Variants in STKLD1 observed in about 807,000 individuals in gnomAD.
The protein encoded by STKLD1 is serine/threonine kinase like domain containing 1, also known as serine/threonine kinase-like domain-containing protein STKLD1.
In STKLD1, 79 loss-of-function variants were observed where a neutral mutation model predicts 80.4. The ratio of observed to expected loss-of-function variants is 0.98; its 90% confidence interval spans 0.82 to 1.19. The LOEUF (loss-of-function observed/expected upper bound fraction) is 1.19. Among genes scored for constraint, STKLD1 ranks in the 50% most tolerant of loss-of-function variants. STKLD1 has a pLI of 0.00. For missense variants in STKLD1, 841 were observed against 856.0 expected (o/e 0.98, Z 0.22); for synonymous variants, 393 against 357.6 (o/e 1.10, Z -1.12).
At position 133,379,137 on chromosome 9, in the gene STKLD1, C is replaced by T; in HGVS notation, c.174+15C>T. 1 of 1,609,220 alleles carries T rather than the reference C, an allele frequency of 6.2e-7. No individual in the cohort carries two copies. The highest frequency in any genetic ancestry group is 8.5e-7 in the Non-Finnish European group (1 of 1,176,316). On this transcript the variant is annotated intron_variant, in intron 2 of 17. Transcript: ENST00000371957. Reference sequence around the variant, plus strand: ...TGATAAAGCAGGTAAGAGGCCAAGCCTGTGCATCCCATGCCGGGTGGTTCT... The same window carrying T: ...TGATAAAGCAGGTAAGAGGCCAAGCTTGTGCATCCCATGCCGGGTGGTTCT...
intron 12 of STKLD1, 22 bp from the exon 13 acceptor site, chr9:133,401,716 C>A: frequency 6.2e-7 from 1 of 1,605,448 alleles, no homozygotes. Flanking sequence ...TAACCCCAGG[C>A]GTCTTCCTCT....
chr9:133,398,012 C>A lies in STKLD1; in HGVS notation c.1038C>A (p.Leu346=). 1.2e-6 allele frequency: 2 copies of A among 1,613,670 alleles called. No homozygotes were observed. The highest frequency in any genetic ancestry group is 1.1e-5 in the South Asian group (1 of 91,054). Reference sequence around the variant, plus strand: ...TCTCTGGCTGGCCCGAAGTCCAGCTCAGGGCCATGAAGAGGCTTCTGAAAA... The same window carrying A: ...TCTCTGGCTGGCCCGAAGTCCAGCTAAGGGCCATGAAGAGGCTTCTGAAAA... ...QKFSGWPEVQ[L]RAMKRLLKMP... is the part of the protein sequence containing the mutation. Residue 346 remains leucine, a synonymous_variant, in exon 11 of 18, where the codon CTC becomes CTA. Coordinates refer to ENST00000371957, the MANE Select transcript of STKLD1 (RefSeq NM_153710.5).
In STKLD1 at chr9:133,394,324, C is replaced by T; in HGVS notation, c.617C>T (p.Ala206Val). 1 of 1,613,872 alleles carries T rather than the reference C, an allele frequency of 6.2e-7. No individual in the cohort carries two copies. The highest frequency in any genetic ancestry group is 8.5e-7 in the Non-Finnish European group (1 of 1,179,888). ...PFRKSWMAPE[A>V]LNFSFSQKSD... ...CGTAAGTCCTGGATGGCCCCTGAAG[C>T]CCTCAACTTCTCCTTCAGCCAGAAA... The change falls in exon 8 of 18, where the codon GCC becomes GTC. Residue 206 changes from alanine to valine, a missense_variant. Physicochemically the swap from Ala to Val is moderately conservative, Grantham distance 64. Coordinates refer to ENST00000371957, the MANE Select transcript of STKLD1 (RefSeq NM_153710.5). The surrounding 1 kb of genome is among the most constrained non-coding windows in gnomAD (Gnocchi z 4.9).
intron 1 of STKLD1, 112 bp from the exon 2 acceptor site, chr9:133,378,924 C>G (rs113787195): frequency 5.1e-5 from 46 of 904,510 alleles, no homozygotes; most frequent in African/African-American, 4.7e-4. Flanking sequence ...GCCACTTGCT[C>G]TGCCAGCCTG....
chr9:133,377,506 A>G (rs1175561713), intron 1 of STKLD1, among the ~76,000 whole-genome samples: 2 of 152,216 alleles, frequency 1.3e-5, no homozygotes, highest in African/African-American at 2.4e-5. Context: ...TCTACTAAAA[A>G]TACAAAATTA....
At position 133,403,019 on chromosome 9, in the gene STKLD1, G is replaced by C; in HGVS notation, c.1474+7G>C. On this transcript the variant is annotated splice_region_variant and intron_variant, in intron 14 of 17. Coordinates refer to ENST00000371957, the MANE Select transcript of STKLD1 (RefSeq NM_153710.5). The stretch of plus-strand genomic sequence containing the variant: ...TGGGCCCTCCTGCTGGACGGTGAGG[G>C]GCCCTCCTCCTGCTGTCCCACCGGG... 1 of 1,560,956 alleles carries C rather than the reference G, an allele frequency of 6.4e-7. No homozygotes were observed. Among genetic ancestry groups the C allele is most frequent in the South Asian group, 1.2e-5 (1 of 84,886 alleles).
At chr9:133,393,477 AGATG>A (rs200853482) in intron 7 of STKLD1, among the ~76,000 whole-genome samples, 8 of 86,152 alleles carry the variant, frequency 9.3e-5, no homozygotes, top group African/African-American at 1.4e-4. Flanking sequence ...TTGGGTGGGT[AGATG>A]GATGGGTGGG....
In STKLD1 at chr9:133,390,693, C is replaced by T; in HGVS notation, c.480C>T (p.Pro160=). The T allele has an allele frequency of 6.2e-7, 1 of 1,613,642 alleles. No homozygotes were observed. Among genetic ancestry groups the T allele is most frequent in the Non-Finnish European group, 8.5e-7 (1 of 1,179,874 alleles). ...CTCTTGGTTTCAGGAATCTCAAACC[C>T]TCCAACATCATCCTCATCAGCAGTG... The part of the protein sequence containing the change: ...HLDIIHRNLK[P]SNIILISSDH... Residue 160 remains proline (P), a synonymous_variant, in exon 7 of 18, where the codon CCC becomes CCT. Transcript: ENST00000371957. The surrounding 1 kb of genome is among the most constrained non-coding windows in gnomAD (Gnocchi z 5.1).
chr9:133,393,170 A>G (rs1351983930), intron 7 of STKLD1, among the ~76,000 whole-genome samples: 2 of 97,664 alleles, frequency 2.0e-5, no homozygotes, highest in African/African-American at 4.1e-5. Context: ...TAGGTGGGTG[A>G]GTGGATGGAT....
Position 133,398,839 on chromosome 9 carries a change from T to G in STKLD1, c.1081+784T>G, listed in dbSNP as rs587731548. 6.0e-4 allele frequency among the ~76,000 whole-genome samples: 91 copies of G among 151,736 alleles called. No individual in the cohort carries two copies. The East Asian group carries it at 0.016, about 26-fold the overall frequency. On this transcript the variant is annotated intron_variant, in intron 11 of 17. Coordinates refer to ENST00000371957, the MANE Select transcript of STKLD1 (RefSeq NM_153710.5). ...GAGAGTGTTGGGAAAAGCAGTTTTT[T>G]TTTGTTTTTGTTTGTTTGTTTGTTT...
At chr9:133,395,495 TG>T in intron 8 of STKLD1, 104 bp from the exon 9 acceptor site, 1 of 1,295,736 alleles carries the variant, frequency 7.7e-7, no homozygotes, top group Non-Finnish European at 1.1e-6. Flanking sequence ...TGGCTCTCCC[TG>T]GTCTCCTCCT....
In STKLD1 at chr9:133,400,394, G is replaced by A. The variant is rs1005280954; in HGVS notation, c.1082-19G>A. ...ATCTGGCCCAAAATGAGTCTCCCCT[G>A]TGCCGCCCGCCCTGCCAGGTCTGCC... is the stretch of plus-strand genomic sequence containing the variant. On this transcript the variant is annotated intron_variant, in intron 11 of 17. Coordinates refer to ENST00000371957, the MANE Select transcript of STKLD1 (RefSeq NM_153710.5). 1.9e-6 allele frequency: 3 copies of A among 1,601,606 alleles called. No individual in the cohort carries two copies. Among genetic ancestry groups the A allele is most frequent in the African/African-American group, 1.3e-5 (1 of 74,900 alleles).
At position 133,387,486 on chromosome 9, in the gene STKLD1, G is replaced by A; in HGVS notation, c.334G>A (p.Glu112Lys). Residue 112 changes from glutamate to lysine, a missense_variant, in exon 5 of 18, where the codon GAG (glutamate) becomes AAG (lysine). By Grantham distance (56) the Glu-to-Lys change is moderately conservative. Coordinates refer to ENST00000371957, the MANE Select transcript of STKLD1 (RefSeq NM_153710.5). The stretch of plus-strand genomic sequence containing the variant: ...CCTCTGCCTGGTGATGGAGTTCAAT[G>A]AGCTCAGCTTCCAGGAGGTCATTGA... ...LYLCLVMEFN[E>K]LSFQEVIEDK... The A allele has an allele frequency of 1.2e-6, 2 of 1,614,116 alleles. No individual in the cohort carries two copies. The highest frequency in any genetic ancestry group is 1.7e-6 in the Non-Finnish European group (2 of 1,180,014).
At position 133,385,823 on chromosome 9, in the gene STKLD1, T is replaced by C. The variant is rs2130275742; in HGVS notation, c.294+132T>C. ...GTGGCAATGGCAGTGACTGTAAACG[T>C]GGCCACCCCTGACCTAACACTCACT... On this transcript the variant is annotated intron_variant, in intron 4 of 17. Coordinates refer to ENST00000371957, the MANE Select transcript of STKLD1 (RefSeq NM_153710.5). This position sits in a 1 kb window ranked among gnomAD's most constrained non-coding sequence, Gnocchi z 4.9. The C allele has an allele frequency of 1.3e-6, 1 of 782,174 alleles. No homozygotes were observed. Among genetic ancestry groups the C allele is most frequent in the South Asian group, 1.7e-5 (1 of 60,588 alleles). The allele number at this position is 782,174 out of a possible 1,614,324, so 48.5% of individuals were successfully genotyped here.
chr9:133,383,781 G>T, intron 2 of STKLD1, 75 bp from the exon 3 acceptor site: 1 of 1,384,580 alleles, frequency 7.2e-7, no homozygotes, highest in South Asian at 1.2e-5. Context: ...TGGTCGTTGT[G>T]GTGGTGGTGA....
chr9:133,383,363 T>C (rs1374449264), intron 2 of STKLD1, among the ~76,000 whole-genome samples: 13 of 14,716 alleles, frequency 8.8e-4, no homozygotes, highest in Non-Finnish European at 1.0e-3. Context: ...ATGATGGTGA[T>C]GGCAGTGATG....
chr9:133,377,249 T>C (rs1358160152), intron 1 of STKLD1, among the ~76,000 whole-genome samples: 3 of 152,112 alleles, frequency 2.0e-5, no homozygotes, highest in Admixed American at 2.0e-4. Context: ...TTCAGGAATA[T>C]ACCTGCTTTT....
intron 1 of STKLD1, among the ~76,000 whole-genome samples, chr9:133,377,020 C>T (rs1247762475): frequency 1.3e-5 from 2 of 152,170 alleles, no homozygotes; most frequent in African/African-American, 4.8e-5. Context: ...TTAAATGCTT[C>T]TATACATGAT....
chr9:133,389,262 C>A lies in STKLD1; in HGVS notation c.397-264C>A. ...CAGAGTAGGGTGCAGGGATGGGGCC[C>A]CTGCAGCACCCAGGGTCTCTGGTAT... On this transcript the variant is annotated intron_variant, in intron 5 of 17. Coordinates refer to ENST00000371957, the MANE Select transcript of STKLD1 (RefSeq NM_153710.5). This position sits in a 1 kb window ranked among gnomAD's most constrained non-coding sequence, Gnocchi z 6.4. 1 of 985,386 alleles carries A rather than the reference C, an allele frequency of 1.0e-6. No individual in the cohort carries two copies. The highest frequency in any genetic ancestry group is 1.2e-6 in the Non-Finnish European group (1 of 829,908). 61.0% of individuals were successfully genotyped at this position (985,386 alleles called of 1,614,324 possible).
Sources: gnomAD v4.1 joint callset for allele counts (sites outside exome capture counted in the v4.1 genomes callset) on GRCh38, gnomAD v4.1.1 for gene constraint, Gnocchi (gnomAD v3.1) non-coding constraint, MANE v1.5 for transcripts, NCBI Gene and HGNC (gene_info 2026-07-23, HGNC 2026-07-21) for gene names.